Variants in SGPP2 observed in about 807,000 individuals in gnomAD.
SGPP2 encodes the protein sphingosine-1-phosphate phosphatase 2.
A neutral mutation model predicts 33.9 loss-of-function variants in SGPP2; 30 were observed. That is an observed-to-expected ratio of 0.89 (90% CI 0.66 to 1.20). The LOEUF is 1.20. Ranked by LOEUF, SGPP2 falls within the 50% of genes most tolerant of loss-of-function variation. The pLI is 0.00. For missense variants in SGPP2, 458 were observed against 532.1 expected, an observed-to-expected ratio of 0.86 and a Z score of 1.37; for synonymous variants, 233 against 225.0, an observed-to-expected ratio of 1.04 and a Z score of -0.32.
At chr2:222,557,973 T>G (rs77838262) in intron 4 of SGPP2, among the ~76,000 whole-genome samples, 1 of 152,172 alleles carries the variant, frequency 6.6e-6, no homozygotes, top group Non-Finnish European at 1.5e-5. Context: ...CCCAGGTGGA[T>G]GAAAGGATGG....
chr2:222,470,948 C>T (rs992371153), intron 1 of SGPP2, among the ~76,000 whole-genome samples: 4 of 152,186 alleles, frequency 2.6e-5, no homozygotes, highest in African/African-American at 4.8e-5. Flanking sequence ...AGGCATTTGT[C>T]ACTTAACTTG....
rs564263405 is a variant in SGPP2, at chr2:222,559,156, ACCGCGCC to A, written c.*261_*267del. The stretch of plus-strand genomic sequence containing the variant: ...ATAATCCGGATCTTTAAAGGCACAC[ACCGCGCC>A]CCCCCCCCCCCCGCCCGGCCCCTGC... On this transcript the variant is annotated 3_prime_UTR_variant, in exon 5 of 5. Transcript: ENST00000321276. 8 of 56,688 alleles carry A rather than the reference ACCGCGCC, an allele frequency of 1.4e-4. 1 individual carries two copies. Among genetic ancestry groups the A allele is most frequent in the East Asian group, 8.2e-4 (3 of 3,662 alleles). The allele number at this position is 56,688 out of a possible 1,614,324, so 3.5% of individuals were successfully genotyped here. A position where few individuals can be genotyped will look rare whatever the true frequency, so the allele number is the denominator to read the frequency against.
At position 222,559,159 on chromosome 2, in the gene SGPP2, G is replaced by GCCAC. The variant is rs1306968136; in HGVS notation, c.*262_*263insCACC. The GCCAC allele has an allele frequency of 3.9e-5, 1 of 25,546 alleles. No individual in the cohort carries two copies. Among genetic ancestry groups the GCCAC allele is most frequent in the African/African-American group, 2.5e-4 (1 of 3,936 alleles). 1.6% of individuals were successfully genotyped at this position (25,546 alleles called of 1,614,324 possible). On this transcript the variant is annotated 3_prime_UTR_variant, in exon 5 of 5. Transcript: ENST00000321276. ...ATCCGGATCTTTAAAGGCACACACC[G>GCCAC]CGCCCCCCCCCCCCCCGCCCGGCCC...
intron 1 of SGPP2, among the ~76,000 whole-genome samples, chr2:222,446,537 T>C (rs1371102279): frequency 1.3e-5 from 2 of 152,186 alleles, no homozygotes; most frequent in African/African-American, 4.8e-5. Flanking sequence ...AAAAGTATGG[T>C]TTTCCAGCTT....
chr2:222,450,224 G>T (rs887505812), intron 1 of SGPP2, among the ~76,000 whole-genome samples: 3 of 152,132 alleles, frequency 2.0e-5, no homozygotes, highest in Admixed American at 6.5e-5. Flanking sequence ...ACCATGCCTG[G>T]CAGATGGAGG....
At chr2:222,459,142 CTTTT>C (rs1164145783) in intron 1 of SGPP2, among the ~76,000 whole-genome samples, 3 of 94,462 alleles carry the variant, frequency 3.2e-5, no homozygotes, top group East Asian at 2.8e-4. Flanking sequence ...TTCTTTCTTT[CTTTT>C]TTTTTTTTTT....
chr2:222,440,869 C>T (rs1050921749), intron 1 of SGPP2, among the ~76,000 whole-genome samples: 4 of 151,744 alleles, frequency 2.6e-5, no homozygotes, highest in Non-Finnish European at 5.9e-5. Flanking sequence ...CTCTCTGCTT[C>T]CTTTAACCAT....
At chr2:222,435,524 C>G (rs1697226209) in intron 1 of SGPP2, among the ~76,000 whole-genome samples, 1 of 152,138 alleles carries the variant, frequency 6.6e-6, no homozygotes, top group Non-Finnish European at 1.5e-5. Context: ...CTCCTGAGAT[C>G]ATATGTAATC....
chr2:222,495,360 G>A (rs1698264124), intron 2 of SGPP2, among the ~76,000 whole-genome samples: 1 of 152,120 alleles, frequency 6.6e-6, no homozygotes, highest in South Asian at 2.1e-4. Flanking sequence ...GCTGCAGTGA[G>A]CCATATTCAT....
At chr2:222,511,501 C>A (rs1358208753) in intron 2 of SGPP2, among the ~76,000 whole-genome samples, 3 of 152,082 alleles carry the variant, frequency 2.0e-5, no homozygotes. Context: ...TGCTTTCATG[C>A]ACAGGACTTT....
At chr2:222,494,084 A>G (rs928449948) in intron 2 of SGPP2, among the ~76,000 whole-genome samples, 1 of 152,152 alleles carries the variant, frequency 6.6e-6, no homozygotes. Context: ...CTTCAAAACC[A>G]CCAAACTGCT....
In SGPP2 at chr2:222,484,852, T is replaced by G. The variant is rs59686327; in HGVS notation, c.378+10126T>G. 7.4e-3 allele frequency among the ~76,000 whole-genome samples: 1,121 copies of G among 152,346 alleles called. 12 individuals are homozygous for G. The highest frequency in any genetic ancestry group is 0.026 in the African/African-American group (1,077 of 41,578). ...ACAAGAGGAAAGATAATGAGCCAAT[T>G]TGTAGACCATGGAGGACTTTCAGAT... On this transcript the variant is annotated intron_variant, in intron 2 of 4. Coordinates refer to ENST00000321276, the MANE Select transcript of SGPP2 (RefSeq NM_152386.4).
chr2:222,427,404 A>G (rs4321357), intron 1 of SGPP2, among the ~76,000 whole-genome samples: 116,146 of 151,990 alleles, frequency 0.76, 44,523 homozygotes, highest in Middle Eastern at 0.88. Flanking sequence ...AAGACTACGG[A>G]TGCATGCCAT....
chr2:222,548,805 T>G (rs1689245240), intron 4 of SGPP2, among the ~76,000 whole-genome samples: 1 of 152,266 alleles, frequency 6.6e-6, no homozygotes, highest in African/African-American at 2.4e-5. Context: ...TATTCATGAA[T>G]AATGTTGCCT....
intron 2 of SGPP2, among the ~76,000 whole-genome samples, chr2:222,517,414 C>T (rs564378254): frequency 1.3e-5 from 2 of 152,242 alleles, no homozygotes; most frequent in South Asian, 2.1e-4. Flanking sequence ...GAGAGGAGAT[C>T]GGCTGCTGGA....
At chr2:222,518,775 G>A (rs1264900533) in intron 2 of SGPP2, among the ~76,000 whole-genome samples, 3 of 152,306 alleles carry the variant, frequency 2.0e-5, no homozygotes, top group African/African-American at 7.2e-5. Flanking sequence ...CAGAGTAATT[G>A]TCGCTGAGGC....
In SGPP2 at chr2:222,424,747, G is replaced by T; in HGVS notation, c.145G>T (p.Glu49Ter). The T allele has an allele frequency of 4.2e-6, 6 of 1,420,360 alleles. No individual in the cohort carries two copies. In the South Asian group the frequency reaches 4.3e-5, roughly 10 times the overall value. 88.0% of individuals were successfully genotyped at this position (1,420,360 alleles called of 1,614,324 possible). ...GCGCGCGGCGCGGGTCCCCGGGGTCGAGCATCTCCCCGCAGCCAACGGCAA... is the reference window on the plus strand; with the variant it reads ...GCGCGCGGCGCGGGTCCCCGGGGTCTAGCATCTCCCCGCAGCCAACGGCAA... The part of the protein sequence containing the change: ...TERAARVPGV[E>*]HLPAANGKGG... Residue 49 changes from glutamate (E) to a stop codon, truncating the protein, a stop_gained, in exon 1 of 5, where the codon GAG (glutamate) becomes TAG (stop). Transcript: ENST00000321276. LOFTEE classifies it high-confidence loss of function.
intron 1 of SGPP2, among the ~76,000 whole-genome samples, chr2:222,454,733 TAAAAA>T (rs78696026): frequency 8.5e-6 from 1 of 117,950 alleles, no homozygotes; most frequent in Non-Finnish European, 1.8e-5. Flanking sequence ...GTGGAGCTGT[TAAAAA>T]AAAAAAAAAA....
chr2:222,505,081 CT>C (rs1698425033), intron 2 of SGPP2, among the ~76,000 whole-genome samples: 1 of 152,176 alleles, frequency 6.6e-6, no homozygotes, highest in Non-Finnish European at 1.5e-5. Context: ...AAAAGTTTAT[CT>C]AAATACATTC....
Sources: allele counts gnomAD v4.1 joint callset (sites outside exome capture counted in the v4.1 genomes callset), GRCh38; gene constraint gnomAD v4.1.1; transcripts MANE v1.5; gene names NCBI Gene and HGNC (gene_info 2026-07-23, HGNC 2026-07-21).